CSMD3: variants seen among roughly 807,000 people sequenced by gnomAD.
The protein encoded by CSMD3 is CUB and sushi domain-containing protein 3.
A neutral mutation model predicts 435.2 loss-of-function variants in CSMD3; 177 were observed. The observed-to-expected ratio is 0.41, with a 90% CI of 0.36 to 0.46. The LOEUF is 0.46. Ranked by LOEUF, CSMD3 falls within the 20% of genes least tolerant of loss-of-function variation. The pLI is 0.34. For synonymous variants in CSMD3, 1,656 were observed against 1,520.5 expected (o/e 1.09, Z -2.07); for missense variants, 4,265 against 4,504.6 (o/e 0.95, Z 1.52).
chr8:113,174,862 T>C (rs1037533353), intron 3 of CSMD3, among the ~76,000 whole-genome samples: 3 of 151,868 alleles, frequency 2.0e-5, no homozygotes, highest in Non-Finnish European at 2.9e-5. Context: ...CAGTAGTTAA[T>C]AGTATTGTGC....
At chr8:112,292,890 A>T (rs1819913387) in intron 54 of CSMD3, among the ~76,000 whole-genome samples, 180 bp from the exon 55 acceptor site, 1 of 152,180 alleles carries the variant, frequency 6.6e-6, no homozygotes, top group Admixed American at 6.6e-5. Context: ...AGAATGTCAA[A>T]ATAGTCTAAC....
At chr8:112,480,226 T>C (rs1819501631) in intron 31 of CSMD3, among the ~76,000 whole-genome samples, 3 of 152,360 alleles carry the variant, frequency 2.0e-5, no homozygotes, top group African/African-American at 7.2e-5. Context: ...ATGGGAATGT[T>C]TACCCAATGC....
intron 5 of CSMD3, among the ~76,000 whole-genome samples, chr8:113,027,828 T>C (rs1039121828): frequency 6.6e-5 from 10 of 152,104 alleles, no homozygotes; most frequent in African/African-American, 2.4e-4. Flanking sequence ...ATGAATTCTC[T>C]TATAAAAAAT....
At chr8:113,046,383 C>T (rs1402413528) in intron 5 of CSMD3, among the ~76,000 whole-genome samples, 1 of 149,568 alleles carries the variant, frequency 6.7e-6, no homozygotes, top group Non-Finnish European at 1.5e-5. Context: ...AATAACAAAA[C>T]AAAATAAAAA....
At chr8:112,959,472 A>C (rs2084150750) in intron 7 of CSMD3, among the ~76,000 whole-genome samples, 1 of 151,920 alleles carries the variant, frequency 6.6e-6, no homozygotes, top group Non-Finnish European at 1.5e-5. Context: ...TAATTCTTTT[A>C]AAAAGGAAAA....
intron 13 of CSMD3, among the ~76,000 whole-genome samples, chr8:112,786,899 C>T (rs2078555487): frequency 6.6e-6 from 1 of 152,036 alleles, no homozygotes; most frequent in Admixed American, 6.6e-5. Context: ...CCCTCACCTC[C>T]CGACAGGCCC....
chr8:112,998,314 C>T (rs938940627), intron 6 of CSMD3, among the ~76,000 whole-genome samples: 7 of 151,868 alleles, frequency 4.6e-5, no homozygotes, highest in South Asian at 2.1e-4. Context: ...TACCTACTTG[C>T]GCTATAAATC....
At chr8:113,422,438 TG>T (rs2129961032) in intron 1 of CSMD3, among the ~76,000 whole-genome samples, 1 of 152,318 alleles carries the variant, frequency 6.6e-6, no homozygotes, top group East Asian at 1.9e-4. Context: ...TGACCTCATT[TG>T]TTTGTATCTT....
intron 4 of CSMD3, 61 bp from the exon 5 acceptor site, chr8:113,099,024 G>T: frequency 1.9e-6 from 2 of 1,049,936 alleles, no homozygotes; most frequent in Admixed American, 1.7e-5. Flanking sequence ...TTGTTCAGTT[G>T]TAAGTAAAGC....
intron 3 of CSMD3, among the ~76,000 whole-genome samples, chr8:113,263,013 A>G (rs2093439452): frequency 6.6e-6 from 1 of 152,024 alleles, no homozygotes; most frequent in Non-Finnish European, 1.5e-5. Flanking sequence ...TTTTTTAAAG[A>G]TTTATTTTAA....
chr8:112,726,720 T>C (rs1045370009), intron 13 of CSMD3, among the ~76,000 whole-genome samples: 4 of 151,832 alleles, frequency 2.6e-5, no homozygotes, highest in Non-Finnish European at 5.9e-5. Context: ...ATAACTTTAT[T>C]TGCAAAGTTA....
chr8:113,098,455 C>A, intron 5 of CSMD3: 1 of 367,606 alleles, frequency 2.7e-6, no homozygotes, highest in Non-Finnish European at 5.1e-6. Flanking sequence ...AAATTACTTC[C>A]AAGACTATTC....
intron 10 of CSMD3, among the ~76,000 whole-genome samples, chr8:112,905,418 G>A (rs1291366546): frequency 6.6e-6 from 1 of 150,986 alleles, no homozygotes; most frequent in Non-Finnish European, 1.5e-5. Flanking sequence ...GTTTCTTGTG[G>A]TTGTGCACAT....
At chr8:112,935,551 A>G (rs935290080) in intron 9 of CSMD3, among the ~76,000 whole-genome samples, 1 of 151,948 alleles carries the variant, frequency 6.6e-6, no homozygotes, top group Non-Finnish European at 1.5e-5. Context: ...TTTGTAACTT[A>G]TTTAGTTTCT....
At chr8:112,265,902 G>C (rs1816897146) in intron 59 of CSMD3, among the ~76,000 whole-genome samples, 1 of 151,988 alleles carries the variant, frequency 6.6e-6, no homozygotes, top group South Asian at 2.1e-4. Context: ...TAAGACCACA[G>C]AGAAAACAAT....
At chr8:112,605,853 T>G (rs1227192127) in intron 22 of CSMD3, among the ~76,000 whole-genome samples, 5 of 152,126 alleles carry the variant, frequency 3.3e-5, no homozygotes, top group Non-Finnish European at 7.4e-5. Context: ...TTAATTTATA[T>G]TATGTTTAAT....
chr8:113,031,515 C>A (rs2087109118), intron 5 of CSMD3, among the ~76,000 whole-genome samples: 1 of 151,304 alleles, frequency 6.6e-6, no homozygotes, highest in South Asian at 2.1e-4. Context: ...TATGGTGGGG[C>A]AGGTTAGGTG....
chr8:112,763,340 G>T (rs527295362), intron 13 of CSMD3, among the ~76,000 whole-genome samples: 3 of 151,132 alleles, frequency 2.0e-5, no homozygotes, highest in Non-Finnish European at 4.4e-5. Flanking sequence ...CAGAGCTCAA[G>T]AAAGAGGCAA....
chr8:112,917,718 G>T (rs969979655), intron 10 of CSMD3, among the ~76,000 whole-genome samples: 1 of 151,830 alleles, frequency 6.6e-6, no homozygotes, highest in African/African-American at 2.4e-5. Flanking sequence ...TTGCCGTATT[G>T]GAATTGTAGA....
Sources: allele counts gnomAD v4.1 joint callset (sites outside exome capture counted in the v4.1 genomes callset), GRCh38; gene constraint gnomAD v4.1.1; transcripts MANE v1.5; gene names NCBI Gene and HGNC (gene_info 2026-07-23, HGNC 2026-07-21).